Variants in NPIPB2 observed in about 807,000 individuals in gnomAD.
NPIPB2 encodes the protein nuclear pore complex interacting protein family member B2, also known as nuclear pore complex-interacting protein family member B2.
Under a neutral mutation model 30.8 loss-of-function variants are expected in NPIPB2, and 27 were observed. The ratio of observed to expected loss-of-function variants is 0.88; its 90% CI spans 0.65 to 1.21. NPIPB2 has a LOEUF of 1.21. Ranked by LOEUF, NPIPB2 falls within the 50% of genes most tolerant of loss-of-function variation. The pLI is 0.00. For synonymous variants in NPIPB2, 147 were observed against 162.0 expected (o/e 0.91, Z 0.70); for missense variants, 440 against 446.2 (o/e 0.99, Z 0.13).
At chr16:11,941,077 G>T in intron 1 of NPIPB2, 1 of 1,313,890 alleles carries the variant, frequency 7.6e-7, no homozygotes, top group Non-Finnish European at 1.0e-6. Flanking sequence ...CCCCTAAAGT[G>T]CTGGGATTAC....
At chr16:11,959,071 C>T (rs1160079356) in intron 1 of NPIPB2, among the ~76,000 whole-genome samples, 2 of 152,116 alleles carry the variant, frequency 1.3e-5, no homozygotes, top group Non-Finnish European at 2.9e-5. Flanking sequence ...TGCTGGGGCT[C>T]GGGCCGTGGC....
At position 11,927,490 on chromosome 16, in the gene NPIPB2, C is replaced by G. The variant is rs1280822466; in HGVS notation, c.1077G>C (p.Glu359Asp). The stretch of plus-strand genomic sequence containing the variant: ...TCTTGGGTTCGGGTGGTGATTCCAC[C>G]TCAGCGGCCCTCCGCCTCTTGGGTT... The change falls in exon 8 of 8, where the codon GAG (glutamate) becomes GAC (aspartate). Residue 359 changes from glutamate to aspartate, a missense_variant. Physicochemically the swap from Glu to Asp is conservative, Grantham distance 45. Transcript: ENST00000399147. 2.0e-6 allele frequency: 3 copies of G among 1,469,012 alleles called. No homozygotes were observed. In the African/African-American group the frequency reaches 4.3e-5, roughly 21 times the overall value. 91.0% of individuals were successfully genotyped at this position (1,469,012 alleles called of 1,614,324 possible). A position where few individuals can be genotyped will look rare whatever the true frequency, so the allele number is the denominator to read the frequency against.
chr16:11,976,636 C>T (rs1457783497), upstream of NPIPB2: 3 of 396,332 alleles, frequency 7.6e-6, no homozygotes, highest in African/African-American at 2.1e-5. Flanking sequence ...GGATCTGCGC[C>T]GCGGTTTACG....
At chr16:11,956,199 T>A (rs1465156020) in intron 1 of NPIPB2, 1 of 152,106 alleles carries the variant, frequency 6.6e-6, no homozygotes, top group Non-Finnish European at 1.5e-5. Flanking sequence ...ACAGCACAGG[T>A]CACCAACACT....
chr16:11,960,779 CT>C (rs1195115323), intron 1 of NPIPB2, among the ~76,000 whole-genome samples: 4 of 152,244 alleles, frequency 2.6e-5, no homozygotes, highest in East Asian at 1.9e-4. Context: ...TGCATCGCCC[CT>C]GATCTTCCTG....
intron 4 of NPIPB2, among the ~76,000 whole-genome samples, chr16:11,932,605 G>A (rs1193769705): frequency 1.4e-5 from 2 of 145,818 alleles, no homozygotes; most frequent in African/African-American, 5.0e-5. Flanking sequence ...GTGAAACCCC[G>A]CCTCTACTAA....
intron 4 of NPIPB2, among the ~76,000 whole-genome samples, chr16:11,931,869 C>T (rs1038481739): frequency 1.3e-5 from 2 of 152,106 alleles, no homozygotes; most frequent in African/African-American, 4.8e-5. Context: ...AAACCCAGGA[C>T]GAAAGTCAGC....
chr16:11,972,575 C>CA (rs58455437), intron 1 of NPIPB2, among the ~76,000 whole-genome samples: 350 of 147,116 alleles, frequency 2.4e-3, no homozygotes, highest in Middle Eastern at 3.5e-3. Flanking sequence ...ACCGCATCTT[C>CA]AAAAAAAAAG....
chr16:11,972,220 A>G (rs2055240201), intron 1 of NPIPB2, among the ~76,000 whole-genome samples: 1 of 152,190 alleles, frequency 6.6e-6, no homozygotes, highest in African/African-American at 2.4e-5. Context: ...TAGTTCTGTC[A>G]TGCCAATGAA....
At chr16:11,970,168 G>A (rs1412262976) in intron 1 of NPIPB2, among the ~76,000 whole-genome samples, 1 of 151,860 alleles carries the variant, frequency 6.6e-6, no homozygotes, top group Non-Finnish European at 1.5e-5. Context: ...GACCAACATG[G>A]TGAAAACCTG....
chr16:11,967,127 A>G, intron 1 of NPIPB2: 1 of 195,044 alleles, frequency 5.1e-6, no homozygotes, highest in South Asian at 7.4e-5. Context: ...CAGCCTCCTG[A>G]GTAACTGGGA....
At chr16:11,949,776 G>C (rs545716393) in intron 1 of NPIPB2, among the ~76,000 whole-genome samples, 11 of 152,264 alleles carry the variant, frequency 7.2e-5, no homozygotes, top group South Asian at 4.1e-4. Context: ...CACCGTTTAG[G>C]ATTTCTGTGT....
At chr16:11,962,355 T>A (rs8051343) in intron 1 of NPIPB2, among the ~76,000 whole-genome samples, 9,360 of 151,850 alleles carry the variant, frequency 0.062, 523 homozygotes, top group Admixed American at 0.17. Context: ...AAATATTAGC[T>A]GGGCATGGTG....
At chr16:11,948,715 C>T (rs1418498572) in intron 1 of NPIPB2, among the ~76,000 whole-genome samples, 8 of 126,618 alleles carry the variant, frequency 6.3e-5, no homozygotes, top group African/African-American at 1.7e-4. Context: ...TGCAGTGAGC[C>T]GAGATCCCGC....
At chr16:11,953,923 G>A (rs551476963) in intron 1 of NPIPB2, among the ~76,000 whole-genome samples, 3 of 151,354 alleles carry the variant, frequency 2.0e-5, no homozygotes, top group Non-Finnish European at 4.4e-5. Context: ...TGATTTGCCC[G>A]CCTTGGCCTC....
intron 1 of NPIPB2, chr16:11,967,775 G>C: frequency 6.2e-7 from 1 of 1,614,184 alleles, no homozygotes; most frequent in Non-Finnish European, 8.5e-7. Context: ...CCACGAAAAC[G>C]AATGACTATT....
chr16:11,972,263 G>T (rs1395024261), intron 1 of NPIPB2, among the ~76,000 whole-genome samples: 1 of 152,184 alleles, frequency 6.6e-6, no homozygotes, highest in African/African-American at 2.4e-5. Context: ...AAAATAGATT[G>T]TAAATGTTTC....
chr16:11,948,316 G>C (rs1315809660), intron 1 of NPIPB2, among the ~76,000 whole-genome samples: 5 of 152,054 alleles, frequency 3.3e-5, no homozygotes, highest in Non-Finnish European at 7.4e-5. Context: ...AATGGCTGCC[G>C]ATACCACAAA....
At chr16:11,944,667 G>T (rs781723479), upstream of NPIPB2, among the ~76,000 whole-genome samples, 52 of 134,054 alleles carry the variant, frequency 3.9e-4, no homozygotes, top group Non-Finnish European at 7.4e-4. Context: ...GAAGGCTGAG[G>T]CAGGAGAATC....
Sources: gnomAD v4.1 joint callset for allele counts (sites outside exome capture counted in the v4.1 genomes callset) on GRCh38, gnomAD v4.1.1 for gene constraint, MANE v1.5 for transcripts, NCBI Gene and HGNC (gene_info 2026-07-23, HGNC 2026-07-21) for gene names.